The following MVB12B variants were observed in gnomAD, a reference collection of about 807,000 sequenced individuals.
MVB12B encodes the protein ESCRT-I complex subunit MVB12B.
MVB12B carries 16 observed loss-of-function variants against 41.6 expected under a neutral mutation model. That is an observed-to-expected ratio of 0.38 (90% confidence interval 0.26 to 0.58). The LOEUF is 0.58. Ranked by LOEUF, MVB12B falls within the 20% of genes least tolerant of loss-of-function variation. The pLI, the probability that MVB12B is intolerant of heterozygous loss-of-function variation, is 0.62. For missense variants in MVB12B, 274 were observed against 380.2 expected, an observed-to-expected ratio of 0.72 and a Z score of 2.32; for synonymous variants, 133 against 139.7, an observed-to-expected ratio of 0.95 and a Z score of 0.34.
At chr9:126,345,587 G>A (rs184248214) in intron 2 of MVB12B, among the ~76,000 whole-genome samples, 107 of 152,326 alleles carry the variant, frequency 7.0e-4, no homozygotes, top group South Asian at 3.1e-3. Flanking sequence ...GGCAGGCAAG[G>A]AGCCACTCCC....
chr9:126,398,368 G>T (rs977210992), intron 6 of MVB12B, among the ~76,000 whole-genome samples: 12 of 152,190 alleles, frequency 7.9e-5, no homozygotes, highest in Admixed American at 2.6e-4. Flanking sequence ...AGCACTGCGC[G>T]GGTCTTTTCC....
rs549438774 is a variant in MVB12B at position 126,327,654 on chromosome 9, C to G, written c.81+644C>G. ...CTGGGACAAGAGCTGAGGCATGGCA[C>G]CAGGGGACATCACATCCTCAGAGGC... On this transcript the variant is annotated intron_variant, in intron 1 of 9. Coordinates refer to ENST00000361171, the MANE Select transcript of MVB12B (RefSeq NM_033446.3). Among the ~76,000 whole-genome samples the G allele has an allele frequency of 2.0e-4, 30 of 152,218 alleles. No individual in the cohort carries two copies. The South Asian group carries it at 6.2e-3, about 32-fold the overall frequency.
rs1413179827 is a variant in MVB12B, at chr9:126,486,288, G to C, written c.873+2256G>C. 2.6e-5 allele frequency among the ~76,000 whole-genome samples: 4 copies of C among 152,150 alleles called. No homozygotes were observed. In the East Asian group the frequency reaches 7.7e-4, roughly 29 times the overall value. On this transcript the variant is annotated intron_variant, in intron 9 of 9. Coordinates refer to ENST00000361171, the MANE Select transcript of MVB12B (RefSeq NM_033446.3). This position sits in a 1 kb window ranked among gnomAD's most constrained non-coding sequence, Gnocchi z 4.7. ...CCCTTCTCAAAGCAGGGGAGCTGTGGGTGGCTGTGAAGTCCACCTGCTTAT... is the reference window on the plus strand; with the variant it reads ...CCCTTCTCAAAGCAGGGGAGCTGTGCGTGGCTGTGAAGTCCACCTGCTTAT...
At chr9:126,464,131 G>T (rs1833145147) in intron 7 of MVB12B, among the ~76,000 whole-genome samples, 1 of 152,170 alleles carries the variant, frequency 6.6e-6, no homozygotes, top group Non-Finnish European at 1.5e-5. Context: ...AGGGACCATG[G>T]TTCCCTCATG....
rs1308087814 is a variant in MVB12B at position 126,340,410 on chromosome 9, G to A, written c.82-98G>A. 1 of 1,397,102 alleles carries A rather than the reference G, an allele frequency of 7.2e-7. No individual in the cohort carries two copies. Among genetic ancestry groups the A allele is most frequent in the Non-Finnish European group, 1.0e-6 (1 of 1,003,272 alleles). 86.5% of individuals were successfully genotyped at this position (1,397,102 alleles called of 1,614,324 possible). On this transcript the variant is annotated intron_variant, in intron 1 of 9. Coordinates refer to ENST00000361171, the MANE Select transcript of MVB12B (RefSeq NM_033446.3). This position sits in a 1 kb window ranked among gnomAD's most constrained non-coding sequence, Gnocchi z 4.0. The stretch of plus-strand genomic sequence containing the variant: ...CCAGTACAGGTATGTGAAACTCAGG[G>A]TATTTGCCCCAAGATTCTGGTTCTG...
intron 1 of MVB12B, among the ~76,000 whole-genome samples, chr9:126,331,169 G>A (rs1456371192): frequency 6.6e-6 from 1 of 152,182 alleles, no homozygotes; most frequent in African/African-American, 2.4e-5. Flanking sequence ...ATAATTTTCT[G>A]CGGAACCACC....
rs1564348198 is a variant in MVB12B, at chr9:126,486,021, G to GGCT, written c.873+1992_873+1994dup. Among the ~76,000 whole-genome samples, 1 of 151,882 alleles carries GGCT rather than the reference G, an allele frequency of 6.6e-6. No homozygotes were observed. The highest frequency in any genetic ancestry group is 2.4e-5 in the African/African-American group (1 of 41,220). ...CTTGTGTACCCAGCTAGCAGAAGCC[G>GGCT]GCTGCATTATTGAAAGATGGCTGAA... On this transcript the variant is annotated intron_variant, in intron 9 of 9. Coordinates refer to ENST00000361171, the MANE Select transcript of MVB12B (RefSeq NM_033446.3). This position sits in a 1 kb window ranked among gnomAD's most constrained non-coding sequence, Gnocchi z 4.7.
chr9:126,481,273 G>A (rs535000472), intron 7 of MVB12B, 96 bp from the exon 8 acceptor site: 22 of 1,048,508 alleles, frequency 2.1e-5, no homozygotes, highest in South Asian at 1.4e-4. Context: ...ATCCAGTGAC[G>A]GATTCATATT....
At chr9:126,397,717 GT>G (rs1285405657) in intron 6 of MVB12B, 13 of 693,676 alleles carry the variant, frequency 1.9e-5, no homozygotes, top group Non-Finnish European at 2.3e-5. Context: ...TTTTTGTGGG[GT>G]TTTTTTGTGT....
At chr9:126,442,096 T>A (rs1463047541) in intron 7 of MVB12B, among the ~76,000 whole-genome samples, 1 of 152,244 alleles carries the variant, frequency 6.6e-6, no homozygotes, top group African/African-American at 2.4e-5. Context: ...CCCTTGAATC[T>A]GAGATGTACT....
At chr9:126,344,754 G>T (rs1564282290) in intron 2 of MVB12B, among the ~76,000 whole-genome samples, 1 of 152,248 alleles carries the variant, frequency 6.6e-6, no homozygotes, top group Non-Finnish European at 1.5e-5. Flanking sequence ...TCTGGAGGCT[G>T]GGAAGTCTAA....
At chr9:126,472,342 C>T (rs113449441) in intron 7 of MVB12B, among the ~76,000 whole-genome samples, 1 of 151,830 alleles carries the variant, frequency 6.6e-6, no homozygotes, top group African/African-American at 2.4e-5. Context: ...AGGCAAAGTT[C>T]CTACAGATTC....
At chr9:126,483,098 T>G (rs903310661) in intron 8 of MVB12B, among the ~76,000 whole-genome samples, 1 of 152,202 alleles carries the variant, frequency 6.6e-6, no homozygotes, top group African/African-American at 2.4e-5. Flanking sequence ...ATGCGGGCCC[T>G]GGGGTTCTGT....
intron 2 of MVB12B, among the ~76,000 whole-genome samples, chr9:126,363,610 GT>G (rs1481503819): frequency 6.6e-6 from 1 of 152,214 alleles, no homozygotes; most frequent in African/African-American, 2.4e-5. Flanking sequence ...CTGGCTCTCT[GT>G]TTTTAGACTT....
intron 7 of MVB12B, among the ~76,000 whole-genome samples, chr9:126,438,617 C>T (rs533289077): frequency 3.0e-4 from 45 of 152,294 alleles, no homozygotes; most frequent in Middle Eastern, 3.4e-3. Flanking sequence ...ACTCAGCCGA[C>T]TCACTCCAAA....
chr9:126,469,134 C>T (rs988471645), intron 7 of MVB12B, among the ~76,000 whole-genome samples: 2 of 152,152 alleles, frequency 1.3e-5, no homozygotes, highest in Non-Finnish European at 2.9e-5. Flanking sequence ...TATGATGGCA[C>T]CACTGCACTT....
intron 7 of MVB12B, among the ~76,000 whole-genome samples, chr9:126,452,839 TAAATG>T (rs371436501): frequency 1.3e-5 from 2 of 151,872 alleles, no homozygotes; most frequent in Non-Finnish European, 1.5e-5. Flanking sequence ...AAAGAAAAAA[TAAATG>T]AAATGCTTAG....
At chr9:126,401,560 A>G (rs1390450413) in intron 6 of MVB12B, among the ~76,000 whole-genome samples, 4 of 152,364 alleles carry the variant, frequency 2.6e-5, no homozygotes, top group East Asian at 1.9e-4. Context: ...TTTTGAGAAC[A>G]TAGATCCTTG....
chr9:126,424,598 C>A (rs1024012856), intron 7 of MVB12B, among the ~76,000 whole-genome samples: 5 of 152,244 alleles, frequency 3.3e-5, no homozygotes, highest in African/African-American at 1.2e-4. Context: ...AGGGCTCTAT[C>A]TTCCTGTTCT....
Sources: allele counts gnomAD v4.1 joint callset (sites outside exome capture counted in the v4.1 genomes callset), GRCh38; gene constraint gnomAD v4.1.1; non-coding constraint Gnocchi (gnomAD v3.1); transcripts MANE v1.5; gene names NCBI Gene and HGNC (gene_info 2026-07-23, HGNC 2026-07-21).